AXDND1: variants seen among roughly 807,000 people sequenced by gnomAD.
AXDND1 encodes the protein axonemal dynein light chain domain-containing protein 1.
Under a neutral mutation model 137.5 loss-of-function variants are expected in AXDND1, and 110 were observed. The observed-to-expected ratio is 0.80, with a 90% CI of 0.69 to 0.94. The LOEUF is 0.94. Among genes scored for constraint, AXDND1 ranks in the 40% least tolerant of loss-of-function variants. AXDND1 has a pLI of 0.00. For missense variants in AXDND1, 1,191 were observed against 1,169.8 expected, an observed-to-expected ratio of 1.02 and a Z score of -0.26; for synonymous variants, 414 against 399.7, an observed-to-expected ratio of 1.04 and a Z score of -0.43.
chr1:179,519,031 T>G (rs1669810055), intron 21 of AXDND1, among the ~76,000 whole-genome samples: 1 of 152,204 alleles, frequency 6.6e-6, no homozygotes, highest in South Asian at 2.1e-4. Context: ...ATCCTTTCTC[T>G]CCACAACCTT....
At chr1:179,367,495 C>A (rs1667565303) in intron 2 of AXDND1, among the ~76,000 whole-genome samples, 1 of 148,418 alleles carries the variant, frequency 6.7e-6, no homozygotes. Flanking sequence ...AGCCTGGCGA[C>A]AGAACGAGAC....
chr1:179,462,111 C>T (rs1571937709), intron 16 of AXDND1, among the ~76,000 whole-genome samples: 1 of 152,100 alleles, frequency 6.6e-6, no homozygotes, highest in African/African-American at 2.4e-5. Context: ...AGAGGGCATC[C>T]TTGTCTTGTG....
chr1:179,537,773 G>T (rs946403290), intron 25 of AXDND1, among the ~76,000 whole-genome samples: 1 of 152,108 alleles, frequency 6.6e-6, no homozygotes, highest in Non-Finnish European at 1.5e-5. Context: ...AATGGTACCT[G>T]CTCCTCTTTG....
At chr1:179,402,782 A>G (rs1652306953) in intron 11 of AXDND1, among the ~76,000 whole-genome samples, 1 of 152,182 alleles carries the variant, frequency 6.6e-6, no homozygotes. Context: ...GAAAGTTGTC[A>G]TACTCATTGT....
At chr1:179,538,397 A>T (rs920878574) in intron 25 of AXDND1, among the ~76,000 whole-genome samples, 1 of 152,066 alleles carries the variant, frequency 6.6e-6, no homozygotes, top group African/African-American at 2.4e-5. Flanking sequence ...TTGTGTCTTC[A>T]TTCTCATTGG....
At chr1:179,501,090 T>G (rs1019117998) in intron 20 of AXDND1, among the ~76,000 whole-genome samples, 3 of 152,238 alleles carry the variant, frequency 2.0e-5, no homozygotes, top group Non-Finnish European at 2.9e-5. Flanking sequence ...AACATTTCTA[T>G]TATTATGGAA....
At chr1:179,403,295 T>C (rs1006850979) in intron 11 of AXDND1, among the ~76,000 whole-genome samples, 1 of 152,236 alleles carries the variant, frequency 6.6e-6, no homozygotes, top group Non-Finnish European at 1.5e-5. Context: ...AAGACGAATT[T>C]GTCTGTCAGA....
intron 17 of AXDND1, among the ~76,000 whole-genome samples, chr1:179,472,067 T>G (rs141331930): frequency 0.093 from 14,085 of 152,170 alleles, 917 homozygotes; most frequent in African/African-American, 0.17. Flanking sequence ...GCTAATTTTT[T>G]TGTATTTTTA....
At chr1:179,554,062 G>C (rs970229625) in intron 25 of AXDND1, among the ~76,000 whole-genome samples, 1 of 152,072 alleles carries the variant, frequency 6.6e-6, no homozygotes, top group Non-Finnish European at 1.5e-5. Context: ...ACAGGCATGT[G>C]CTACCACGCC....
At chr1:179,463,741 TGTGTGGGA>T (rs1662715868) in intron 16 of AXDND1, among the ~76,000 whole-genome samples, 1 of 152,284 alleles carries the variant, frequency 6.6e-6, no homozygotes, top group Admixed American at 6.5e-5. Context: ...CCATTATTAT[TGTGTGGGA>T]GTCTAAGTCT....
chr1:179,481,137 C>T (rs1019169171), intron 17 of AXDND1, among the ~76,000 whole-genome samples: 1 of 152,078 alleles, frequency 6.6e-6, no homozygotes, highest in African/African-American at 2.4e-5. Context: ...TCCCCACTTT[C>T]CCCACCCCAC....
intron 6 of AXDND1, among the ~76,000 whole-genome samples, chr1:179,380,257 A>T (rs1648041817): frequency 6.6e-6 from 1 of 152,078 alleles, no homozygotes; most frequent in Non-Finnish European, 1.5e-5. Flanking sequence ...TCAAAAAAAA[A>T]ATACATAAAT....
chr1:179,514,799 C>A (rs1252345476), intron 21 of AXDND1, among the ~76,000 whole-genome samples: 3 of 152,106 alleles, frequency 2.0e-5, no homozygotes, highest in East Asian at 3.8e-4. Flanking sequence ...TTGGACAAGG[C>A]CTTTACCATT....
chr1:179,491,442 C>T (rs1412083440), intron 18 of AXDND1, 96 bp from the exon 19 acceptor site: 2 of 814,466 alleles, frequency 2.5e-6, no homozygotes, highest in Admixed American at 2.7e-5. Flanking sequence ...GAAAGTTGGA[C>T]ACAGGCACGA....
At chr1:179,511,324 A>ATT (rs1669031734) in intron 21 of AXDND1, among the ~76,000 whole-genome samples, 1 of 134,790 alleles carries the variant, frequency 7.4e-6, no homozygotes, top group Non-Finnish European at 1.7e-5. Flanking sequence ...ACATAATATG[A>ATT]TTTTATATAT....
At chr1:179,463,852 T>C (rs1662731148) in intron 16 of AXDND1, among the ~76,000 whole-genome samples, 1 of 152,206 alleles carries the variant, frequency 6.6e-6, no homozygotes, top group African/African-American at 2.4e-5. Context: ...CTTGTTGAAT[T>C]GATCCCTTTA....
chr1:179,438,515 G>A (rs896528558), intron 15 of AXDND1, among the ~76,000 whole-genome samples: 2 of 152,206 alleles, frequency 1.3e-5, no homozygotes, highest in Admixed American at 6.5e-5. Flanking sequence ...CACAACAGAA[G>A]TTATTAGTGT....
chr1:179,385,098 A>G (rs1303200027), intron 8 of AXDND1, 140 bp from the exon 9 acceptor site: 2 of 752,138 alleles, frequency 2.7e-6, no homozygotes, highest in Non-Finnish European at 4.3e-6. Context: ...TCACTTTTGT[A>G]TATATATAAA....
intron 24 of AXDND1, 81 bp from the exon 25 acceptor site, chr1:179,534,649 G>C (rs1333821314): frequency 4.2e-5 from 63 of 1,492,986 alleles, no homozygotes; most frequent in Non-Finnish European, 5.4e-5. Flanking sequence ...TAATCTCACT[G>C]CCTTTTTAGA....
Sources: gnomAD v4.1 joint callset for allele counts (sites outside exome capture counted in the v4.1 genomes callset) on GRCh38, gnomAD v4.1.1 for gene constraint, MANE v1.5 for transcripts, NCBI Gene and HGNC (gene_info 2026-07-23, HGNC 2026-07-21) for gene names.